Variants in CFAP54 observed in about 807,000 individuals in gnomAD.
The protein encoded by CFAP54 is cilia and flagella associated protein 54, also known as cilia- and flagella-associated protein 54.
CFAP54 carries 290 observed loss-of-function variants against 370.4 expected under a neutral mutation model. The ratio of observed to expected loss-of-function variants is 0.78; its 90% CI spans 0.71 to 0.86. CFAP54 has a LOEUF of 0.86. CFAP54 is among the 40% of genes least tolerant of loss of function. CFAP54 has a pLI of 0.00. For missense variants in CFAP54, 3,399 were observed against 3,528.7 expected, an observed-to-expected ratio of 0.96 and a Z score of 0.93; for synonymous variants, 1,206 against 1,236.5, an observed-to-expected ratio of 0.98 and a Z score of 0.52.
chr12:96,641,601 T>C (rs1429864156), intron 32 of CFAP54, among the ~76,000 whole-genome samples: 2 of 152,098 alleles, frequency 1.3e-5, no homozygotes, highest in Non-Finnish European at 2.9e-5. Flanking sequence ...GGATTATAAA[T>C]CATGCTGCTG....
At chr12:96,608,548 G>A (rs1175869765) in intron 26 of CFAP54, among the ~76,000 whole-genome samples, 2 of 142,032 alleles carry the variant, frequency 1.4e-5, no homozygotes, top group African/African-American at 2.6e-5. Context: ...TGCAACCTCT[G>A]CCTCTCCAGT....
intron 39 of CFAP54, among the ~76,000 whole-genome samples, chr12:96,674,534 A>T (rs1241888334): frequency 6.6e-6 from 1 of 152,006 alleles, no homozygotes; most frequent in Non-Finnish European, 1.5e-5. Context: ...CATTTATCTC[A>T]TGTAGACAGC....
At chr12:96,642,679 G>A (rs1471346983) in intron 32 of CFAP54, among the ~76,000 whole-genome samples, 1 of 152,112 alleles carries the variant, frequency 6.6e-6, no homozygotes, top group African/African-American at 2.4e-5. Flanking sequence ...ATATATAGAA[G>A]GTAGTTTCAG....
intron 9 of CFAP54, among the ~76,000 whole-genome samples, chr12:96,532,349 GT>G (rs1955448135): frequency 6.6e-6 from 1 of 152,200 alleles, no homozygotes; most frequent in Non-Finnish European, 1.5e-5. Context: ...TGAGTTTAGT[GT>G]GTGGGTGTGG....
chr12:96,716,165 G>A (rs952821484), intron 48 of CFAP54, among the ~76,000 whole-genome samples: 2 of 152,054 alleles, frequency 1.3e-5, no homozygotes, highest in Non-Finnish European at 1.5e-5. Context: ...ATAATTACTG[G>A]TTTAGAATTA....
At chr12:96,814,954 T>C (rs1439795014) in intron 64 of CFAP54, among the ~76,000 whole-genome samples, 1 of 152,226 alleles carries the variant, frequency 6.6e-6, no homozygotes, top group Non-Finnish European at 1.5e-5. Context: ...CAGTCTATCA[T>C]TGATGGGCAT....
chr12:96,710,647 A>G (rs1212232928), intron 48 of CFAP54, among the ~76,000 whole-genome samples: 1 of 151,822 alleles, frequency 6.6e-6, no homozygotes, highest in East Asian at 1.9e-4. Flanking sequence ...TATCATTTCT[A>G]CATCAGACAT....
intron 21 of CFAP54, 45 bp downstream of exon 21, chr12:96,580,734 G>T: frequency 7.8e-7 from 1 of 1,286,428 alleles, no homozygotes; most frequent in Non-Finnish European, 1.1e-6. Context: ...AGCCTTTAAT[G>T]ATAATTAAAT....
chr12:96,718,629 T>C, intron 49 of CFAP54, 107 bp downstream of exon 49: 2 of 642,304 alleles, frequency 3.1e-6, no homozygotes, highest in Non-Finnish European at 5.4e-6. Context: ...TGAGAGCAGT[T>C]ACCTTTTCTT....
chr12:96,493,966 T>TA (rs1451705804), intron 1 of CFAP54, among the ~76,000 whole-genome samples: 6 of 152,180 alleles, frequency 3.9e-5, no homozygotes, highest in Non-Finnish European at 7.3e-5. Context: ...AGATGACACT[T>TA]AAAGCAGAGG....
chr12:96,729,239 A>T (rs1565956740), intron 50 of CFAP54, among the ~76,000 whole-genome samples: 1 of 152,078 alleles, frequency 6.6e-6, no homozygotes, highest in Non-Finnish European at 1.5e-5. Context: ...AAGTCTGCAG[A>T]GGTTACTGCT....
At chr12:96,790,705 CTTAA>C (rs1565979307) in intron 62 of CFAP54, among the ~76,000 whole-genome samples, 2 of 151,816 alleles carry the variant, frequency 1.3e-5, no homozygotes, top group African/African-American at 2.4e-5. Flanking sequence ...TAAAATTATT[CTTAA>C]TTAAGCACTT....
chr12:96,708,502 A>G (rs1957570168), intron 47 of CFAP54, 106 bp from the exon 48 acceptor site: 2 of 913,982 alleles, frequency 2.2e-6, no homozygotes, highest in African/African-American at 1.7e-5. Context: ...GCCCAGCCCT[A>G]TATCCCTTCA....
intron 15 of CFAP54, among the ~76,000 whole-genome samples, chr12:96,550,111 A>G (rs1336125555): frequency 6.6e-6 from 1 of 152,224 alleles, no homozygotes; most frequent in Non-Finnish European, 1.5e-5. Flanking sequence ...GGGCTATGGC[A>G]ACTAAAAGAT....
chr12:96,745,474 G>A lies in CFAP54; in HGVS notation c.7684+1328G>A, dbSNP rs141550168. Among the ~76,000 whole-genome samples, 1,447 of 152,044 alleles carry A rather than the reference G, an allele frequency of 9.5e-3. 6 individuals carry two copies. The highest frequency in any genetic ancestry group is 0.013 in the Non-Finnish European group (909 of 67,954). On this transcript the variant is annotated intron_variant, in intron 55 of 67. Coordinates refer to ENST00000524981, the MANE Select transcript of CFAP54 (RefSeq NM_001306084.2). The stretch of plus-strand genomic sequence containing the variant: ...TTTTTTTCATGTTTGCTGGCTGCAT[G>A]CATGTCTTTTGAGAAATGTCTGTTT...
chr12:96,534,997 A>G (rs1955486082), intron 11 of CFAP54, among the ~76,000 whole-genome samples: 1 of 137,202 alleles, frequency 7.3e-6, no homozygotes, highest in Non-Finnish European at 1.6e-5. Flanking sequence ...CACTAAGATT[A>G]GTTTTCTTTT....
chr12:96,805,418 A>C (rs960514623), intron 63 of CFAP54, among the ~76,000 whole-genome samples: 2 of 152,096 alleles, frequency 1.3e-5, no homozygotes, highest in African/African-American at 4.8e-5. Context: ...AAGTGGACTA[A>C]AAGCATGAAC....
In CFAP54 at chr12:96,608,298, CAT is replaced by C. The variant is rs756721793; in HGVS notation, c.3639+9541_3639+9542del. Among the ~76,000 whole-genome samples the C allele has an allele frequency of 3.6e-3, 177 of 49,320 alleles. 1 individual carries two copies. Among genetic ancestry groups the C allele is most frequent in the East Asian group, 0.029 (66 of 2,270 alleles). 32.4% of individuals were successfully genotyped at this position (49,320 alleles called of 152,430 possible). A position where few individuals can be genotyped will look rare whatever the true frequency, so the allele number is the denominator to read the frequency against. ...TGCATGGTTGTGCATTTTATATATGCATATATATATACACACACACACACACA... is the reference window on the plus strand; with the variant it reads ...TGCATGGTTGTGCATTTTATATATGCATATATATACACACACACACACACA... On this transcript the variant is annotated intron_variant, in intron 26 of 67. Coordinates refer to ENST00000524981, the MANE Select transcript of CFAP54 (RefSeq NM_001306084.2).
At chr12:96,492,273 T>C (rs28409536) in intron 1 of CFAP54, among the ~76,000 whole-genome samples, 18,388 of 152,220 alleles carry the variant, frequency 0.12, 1,199 homozygotes, top group Middle Eastern at 0.18. Context: ...TTAAGAATTC[T>C]GATACTCTCC....
Sources: gnomAD v4.1 joint callset for allele counts (sites outside exome capture counted in the v4.1 genomes callset) on GRCh38, gnomAD v4.1.1 for gene constraint, MANE v1.5 for transcripts, NCBI Gene and HGNC (gene_info 2026-07-23, HGNC 2026-07-21) for gene names.